PRKG2: variants seen among roughly 807,000 people sequenced by gnomAD.
PRKG2 encodes the protein protein kinase cGMP-dependent 2.
PRKG2 carries 33 observed loss-of-function variants against 97.2 expected under a neutral mutation model. That is an observed-to-expected ratio of 0.34 (90% CI 0.26 to 0.45). The LOEUF is 0.45. PRKG2 is among the 20% of genes least tolerant of loss of function. The probability of loss-of-function intolerance (pLI) is 1.00; values close to 1 mark genes in which losing one functional copy is unlikely to be tolerated. For missense variants in PRKG2, 638 were observed against 900.0 expected (o/e 0.71, Z 3.73); for synonymous variants, 330 against 321.8 (o/e 1.03, Z -0.27).
chr4:81,171,649 T>C lies in PRKG2; in HGVS notation c.742+42A>G, dbSNP rs1256555418. 2.7e-6 allele frequency: 4 copies of C among 1,485,064 alleles called. No individual in the cohort carries two copies. The Admixed American group carries it at 5.5e-5, about 20-fold the overall frequency. 92.0% of individuals were successfully genotyped at this position (1,485,064 alleles called of 1,614,324 possible). ...TGACTGGACTAGATTATCTTTAACA[T>C]GCCACAACAATTCAAAGATGGAGCA... On this transcript the variant is annotated intron_variant, in intron 4 of 18. Coordinates refer to ENST00000264399, the MANE Select transcript of PRKG2 (RefSeq NM_006259.3).
chr4:81,117,341 T>C (rs1271431975), intron 14 of PRKG2, among the ~76,000 whole-genome samples: 1 of 152,086 alleles, frequency 6.6e-6, no homozygotes, highest in Non-Finnish European at 1.5e-5. Context: ...GAAGGTTTTA[T>C]TGTTCACTTT....
At chr4:81,153,806 G>T in intron 6 of PRKG2, 85 bp from the exon 7 acceptor site, 1 of 915,616 alleles carries the variant, frequency 1.1e-6, no homozygotes, top group Non-Finnish European at 1.7e-6. Context: ...ACAGCTCCCA[G>T]CGTGAGCGGC....
chr4:81,209,026 C>A (rs1390209645), intron 1 of PRKG2, among the ~76,000 whole-genome samples: 1 of 152,140 alleles, frequency 6.6e-6, no homozygotes, highest in Admixed American at 6.5e-5. Context: ...ACTCTGGAGG[C>A]AATACTCTTC....
chr4:81,118,106 G>A (rs1744729948), intron 14 of PRKG2, among the ~76,000 whole-genome samples: 1 of 152,182 alleles, frequency 6.6e-6, no homozygotes, highest in Non-Finnish European at 1.5e-5. Flanking sequence ...TGTAAGCTTT[G>A]TGGATTGGCT....
At chr4:81,098,998 T>C (rs1387907760) in intron 17 of PRKG2, among the ~76,000 whole-genome samples, 2 of 152,142 alleles carry the variant, frequency 1.3e-5, no homozygotes, top group African/African-American at 4.8e-5. Context: ...CAAAGTGGGA[T>C]AAAACAAGGT....
intron 8 of PRKG2, among the ~76,000 whole-genome samples, chr4:81,149,929 A>G (rs1216601601): frequency 6.6e-6 from 1 of 152,130 alleles, no homozygotes; most frequent in African/African-American, 2.4e-5. Flanking sequence ...AAAGACCCCT[A>G]TCTACCTAGC....
intron 1 of PRKG2, among the ~76,000 whole-genome samples, chr4:81,214,336 T>C (rs1754164052): frequency 6.6e-6 from 1 of 151,778 alleles, no homozygotes; most frequent in Non-Finnish European, 1.5e-5. Flanking sequence ...TGCACCGTAG[T>C]TCTTCTCAGA....
intron 6 of PRKG2, among the ~76,000 whole-genome samples, chr4:81,156,633 T>C (rs1189180051): frequency 1.3e-5 from 2 of 152,132 alleles, no homozygotes; most frequent in Non-Finnish European, 2.9e-5. Context: ...ATACATTTTT[T>C]TCAGCACCAC....
At chr4:81,201,053 C>T (rs914775402) in intron 2 of PRKG2, among the ~76,000 whole-genome samples, 3 of 152,314 alleles carry the variant, frequency 2.0e-5, no homozygotes, top group Middle Eastern at 3.4e-3. Context: ...TGTCCTAAAA[C>T]TGAACATAGG....
intron 17 of PRKG2, among the ~76,000 whole-genome samples, chr4:81,101,828 T>C (rs1289679791): frequency 2.6e-5 from 4 of 152,088 alleles, no homozygotes; most frequent in Admixed American, 6.6e-5. Context: ...GAAAATCTGA[T>C]GCCAAACTTT....
intron 14 of PRKG2, among the ~76,000 whole-genome samples, chr4:81,133,490 T>G (rs1277949687): frequency 6.6e-6 from 1 of 152,136 alleles, no homozygotes; most frequent in Non-Finnish European, 1.5e-5. Flanking sequence ...AGCTTCAATG[T>G]GTGATTTCCA....
upstream of PRKG2, among the ~76,000 whole-genome samples, chr4:81,216,893 G>T (rs1435200263): frequency 3.9e-5 from 2 of 51,638 alleles, no homozygotes; most frequent in East Asian, 3.7e-4. Flanking sequence ...GTATTCCATT[G>T]TGTGTGTGTG....
At position 81,183,974 on chromosome 4, in the gene PRKG2, G is replaced by A. The variant is rs576054885; in HGVS notation, c.462-9015C>T. 2.6e-3 allele frequency among the ~76,000 whole-genome samples: 398 copies of A among 152,276 alleles called. 2 individuals carry two copies. Among genetic ancestry groups the A allele is most frequent in the Non-Finnish European group, 4.1e-3 (280 of 68,018 alleles). Reference sequence around the variant, plus strand: ...CCCTCTCTGGGCAGAGCATCTCTGAGAGAAAGGCAGCAGCCCCAGGAAGGG... The same window carrying A: ...CCCTCTCTGGGCAGAGCATCTCTGAAAGAAAGGCAGCAGCCCCAGGAAGGG... On this transcript the variant is annotated intron_variant, in intron 2 of 18. Coordinates refer to ENST00000264399, the MANE Select transcript of PRKG2 (RefSeq NM_006259.3).
intron 5 of PRKG2, among the ~76,000 whole-genome samples, chr4:81,167,726 G>C (rs1750111360): frequency 6.6e-6 from 1 of 152,006 alleles, no homozygotes. Flanking sequence ...TAGTCATACT[G>C]TACTGTCTTT....
intron 15 of PRKG2, among the ~76,000 whole-genome samples, chr4:81,109,671 T>A (rs1424917836): frequency 1.3e-5 from 2 of 152,194 alleles, no homozygotes; most frequent in Non-Finnish European, 2.9e-5. Context: ...ATAATAAAAA[T>A]TCCTAACTTA....
At chr4:81,197,412 T>G (rs1753029623) in intron 2 of PRKG2, among the ~76,000 whole-genome samples, 1 of 152,212 alleles carries the variant, frequency 6.6e-6, no homozygotes. Flanking sequence ...ATAACCAATT[T>G]GGAACCAAGC....
chr4:81,106,705 T>C (rs936816110), intron 15 of PRKG2, among the ~76,000 whole-genome samples: 1 of 152,164 alleles, frequency 6.6e-6, no homozygotes, highest in Non-Finnish European at 1.5e-5. Flanking sequence ...TCCACCAAAT[T>C]CATTTGTTGA....
chr4:81,144,045 T>C (rs1458661030), intron 10 of PRKG2, among the ~76,000 whole-genome samples, 187 bp downstream of exon 10: 2 of 152,210 alleles, frequency 1.3e-5, no homozygotes, highest in Non-Finnish European at 2.9e-5. Flanking sequence ...CTATTTCTAA[T>C]AGATAATATC....
rs1280798221 is a variant in PRKG2 at position 81,158,568 on chromosome 4, G to C, written c.913-4847C>G. The stretch of plus-strand genomic sequence containing the variant: ...ATGCCATCCCCATCAAGCTACCAAT[G>C]ACTTTCTTCACAGATTTGGAAAAAA... On this transcript the variant is annotated intron_variant, in intron 6 of 18. Coordinates refer to ENST00000264399, the MANE Select transcript of PRKG2 (RefSeq NM_006259.3). Among the ~76,000 whole-genome samples the C allele has an allele frequency of 3.3e-5, 5 of 152,052 alleles. 1 individual carries two copies. Among genetic ancestry groups the C allele is most frequent in the African/African-American group, 1.2e-4 (5 of 41,320 alleles).
Sources: gnomAD v4.1 joint callset for allele counts (sites outside exome capture counted in the v4.1 genomes callset) on GRCh38, gnomAD v4.1.1 for gene constraint, MANE v1.5 for transcripts, NCBI Gene and HGNC (gene_info 2026-07-23, HGNC 2026-07-21) for gene names.